The following ELP4 variants were observed in gnomAD, a reference collection of about 807,000 sequenced individuals.
ELP4 encodes elongator acetyltransferase complex subunit 4.
Under a neutral mutation model 48.9 loss-of-function variants are expected in ELP4, and 51 were observed. That is an observed-to-expected ratio of 1.04 (90% confidence interval 0.83 to 1.32). The LOEUF is 1.32. Among genes scored for constraint, ELP4 ranks in the 40% most tolerant of loss-of-function variants. The pLI, the probability that ELP4 is intolerant of heterozygous loss-of-function variation, is 0.00. For missense variants in ELP4, 519 were observed against 514.6 expected (o/e 1.01, Z -0.08); for synonymous variants, 210 against 189.2 (o/e 1.11, Z -0.90).
At chr11:31,529,313 C>T (rs1956353994) in intron 2 of ELP4, among the ~76,000 whole-genome samples, 1 of 152,076 alleles carries the variant, frequency 6.6e-6, no homozygotes, top group Admixed American at 6.6e-5. Flanking sequence ...TTTTCCCTTT[C>T]CCACAATTGG....
chr11:31,578,033 T>A (rs1957317164), intron 3 of ELP4, among the ~76,000 whole-genome samples: 1 of 152,224 alleles, frequency 6.6e-6, no homozygotes, highest in South Asian at 2.1e-4. Flanking sequence ...TGTGATTGTA[T>A]ATTTAGAAAA....
intron 9 of ELP4, among the ~76,000 whole-genome samples, chr11:31,672,703 C>T (rs1311133445): frequency 6.6e-6 from 1 of 152,100 alleles, no homozygotes; most frequent in Non-Finnish European, 1.5e-5. Flanking sequence ...GAGGTAGGAT[C>T]ACCTGAGCCC....
intron 9 of ELP4, among the ~76,000 whole-genome samples, chr11:31,738,047 A>G (rs1288823469): frequency 2.6e-5 from 4 of 152,140 alleles, no homozygotes; most frequent in African/African-American, 9.7e-5. Flanking sequence ...CTGAATGTCC[A>G]TCAACAGATA....
At chr11:31,750,764 C>G (rs1035839372) in intron 9 of ELP4, among the ~76,000 whole-genome samples, 1 of 152,162 alleles carries the variant, frequency 6.6e-6, no homozygotes, top group African/African-American at 2.4e-5. Flanking sequence ...TTACAGGGCT[C>G]ATTTAAATGT....
At chr11:31,644,239 C>A (rs774060790) in intron 7 of ELP4, among the ~76,000 whole-genome samples, 13 of 151,774 alleles carry the variant, frequency 8.6e-5, no homozygotes, top group Non-Finnish European at 1.6e-4. Flanking sequence ...CATACATACA[C>A]CATAAGCATT....
At chr11:31,780,323 T>G (rs1302208787) in intron 9 of ELP4, among the ~76,000 whole-genome samples, 1 of 152,160 alleles carries the variant, frequency 6.6e-6, no homozygotes, top group Non-Finnish European at 1.5e-5. Flanking sequence ...CCTCGCTGTT[T>G]CACATCGCAC....
At chr11:31,722,664 CT>C (rs1168119909) in intron 9 of ELP4, among the ~76,000 whole-genome samples, 2 of 139,130 alleles carry the variant, frequency 1.4e-5, no homozygotes. Flanking sequence ...CAAGGTGTCT[CT>C]TCTCTCTCTC....
At chr11:31,692,580 C>T in intron 9 of ELP4, among the ~76,000 whole-genome samples, 1 of 152,162 alleles carries the variant, frequency 6.6e-6, no homozygotes, top group East Asian at 1.9e-4. Flanking sequence ...CTTCTTGCTC[C>T]ATTGCTCATT....
chr11:31,568,048 T>C (rs1488383235), intron 3 of ELP4, among the ~76,000 whole-genome samples: 3 of 152,188 alleles, frequency 2.0e-5, no homozygotes, highest in Admixed American at 6.5e-5. Context: ...GTAGAGCTTT[T>C]TTCAAAATGG....
intron 9 of ELP4, among the ~76,000 whole-genome samples, chr11:31,773,557 A>C (rs1948189562): frequency 6.6e-6 from 1 of 152,150 alleles, no homozygotes; most frequent in South Asian, 2.1e-4. Context: ...TGAAGCAAGC[A>C]ACTGGACACA....
At chr11:31,647,340 T>C (rs1945222082) in intron 7 of ELP4, 1 of 185,476 alleles carries the variant, frequency 5.4e-6, no homozygotes, top group Non-Finnish European at 1.1e-5. Context: ...CATCTACTGC[T>C]TCTGAATCCT....
At chr11:31,514,838 C>T (rs1956077574) in intron 1 of ELP4, among the ~76,000 whole-genome samples, 1 of 151,876 alleles carries the variant, frequency 6.6e-6, no homozygotes, top group African/African-American at 2.4e-5. Flanking sequence ...TGGAGCATGG[C>T]TACAAACATT....
At chr11:31,713,193 T>C (rs7926476) in intron 9 of ELP4, among the ~76,000 whole-genome samples, 46,031 of 152,070 alleles carry the variant, frequency 0.3, 7,596 homozygotes, top group African/African-American at 0.44. Flanking sequence ...TAATCAATTT[T>C]CCGTAAAATG....
intron 3 of ELP4, among the ~76,000 whole-genome samples, chr11:31,573,140 G>A (rs923119287): frequency 6.6e-6 from 1 of 152,192 alleles, no homozygotes; most frequent in Non-Finnish European, 1.5e-5. Context: ...TTGAGTAAAT[G>A]TTCACAGTTT....
chr11:31,633,999 C>CA (rs2134049075), intron 7 of ELP4: 1 of 152,116 alleles, frequency 6.6e-6, no homozygotes, highest in East Asian at 1.9e-4. Flanking sequence ...CTAATCATCA[C>CA]AAAAACCCTG....
intron 3 of ELP4, among the ~76,000 whole-genome samples, chr11:31,590,737 A>C (rs1957554388): frequency 6.6e-6 from 1 of 152,222 alleles, no homozygotes; most frequent in African/African-American, 2.4e-5. Flanking sequence ...CAGGCATCTC[A>C]CATGGGAGGA....
intron 5 of ELP4, among the ~76,000 whole-genome samples, chr11:31,618,864 G>T (rs1232180): frequency 6.6e-6 from 1 of 151,870 alleles, no homozygotes; most frequent in Non-Finnish European, 1.5e-5. Context: ...TGGGTGAATT[G>T]TATGGTACCT....
chr11:31,750,597 A>G (rs1247188828), intron 9 of ELP4, among the ~76,000 whole-genome samples: 1 of 151,806 alleles, frequency 6.6e-6, no homozygotes, highest in East Asian at 1.9e-4. Flanking sequence ...ACTTCCATAG[A>G]TGTTTTCTTC....
Position 31,547,101 on chromosome 11 carries a change from G to C in ELP4, c.381+7318G>C, listed in dbSNP as rs142866461. 8.2e-3 allele frequency among the ~76,000 whole-genome samples: 1,246 copies of C among 152,078 alleles called. 37 individuals carry two copies. Among genetic ancestry groups the C allele is most frequent in the Admixed American group, 0.062 (939 of 15,262 alleles). Reference sequence around the variant, plus strand: ...CTAGAGAACCAAGAGCAAACACATTGAAAAGCTAGCAGAAGGCAAGAAATA... The same window carrying C: ...CTAGAGAACCAAGAGCAAACACATTCAAAAGCTAGCAGAAGGCAAGAAATA... On this transcript the variant is annotated intron_variant, in intron 3 of 9. Transcript: ENST00000640961.
Sources: gnomAD v4.1 joint callset for allele counts (sites outside exome capture counted in the v4.1 genomes callset) on GRCh38, gnomAD v4.1.1 for gene constraint, MANE v1.5 for transcripts, NCBI Gene and HGNC (gene_info 2026-07-23, HGNC 2026-07-21) for gene names.